The following GPD2 variants were observed in gnomAD, a reference collection of about 807,000 sequenced individuals.
GPD2 encodes glycerol-3-phosphate dehydrogenase 2, also known as glycerol-3-phosphate dehydrogenase, mitochondrial.
In GPD2, 54 loss-of-function variants were observed where a neutral mutation model predicts 82.4. That is an observed-to-expected ratio of 0.66 (90% confidence interval 0.53 to 0.82). The LOEUF (loss-of-function observed/expected upper bound fraction) is 0.82, where lower values mean the gene tolerates loss of function less well. GPD2 is among the 40% of genes least tolerant of loss of function. GPD2 has a pLI of 0.00. For synonymous variants in GPD2, 288 were observed against 306.1 expected (o/e 0.94, Z 0.62); for missense variants, 748 against 896.2 (o/e 0.83, Z 2.11).
In GPD2 at chr2:156,571,275, G is replaced by C; in HGVS notation, c.1750G>C (p.Asp584His). The C allele has an allele frequency of 6.2e-7, 1 of 1,606,138 alleles. No homozygotes were observed. Among genetic ancestry groups the C allele is most frequent in the Non-Finnish European group, 8.5e-7 (1 of 1,175,376 alleles). ...VELMGRELNWDDYKKQEQLET... is the reference protein window; with the variant it reads ...VELMGRELNWHDYKKQEQLET... ...ACTGATGGGCAGGGAACTGAATTGGGATGATTATAAGAAGCAGGTATTATA... is the reference window on the plus strand; with the variant it reads ...ACTGATGGGCAGGGAACTGAATTGGCATGATTATAAGAAGCAGGTATTATA... Residue 584 changes from aspartate to histidine, a missense_variant, in exon 13 of 17, where the codon GAT (aspartate) becomes CAT (histidine). Coordinates refer to ENST00000438166, the MANE Select transcript of GPD2 (RefSeq NM_000408.5).
chr2:156,443,273 T>C (rs1486423404), intron 1 of GPD2, among the ~76,000 whole-genome samples: 3 of 152,248 alleles, frequency 2.0e-5, no homozygotes, highest in African/African-American at 7.2e-5. Context: ...TTGTCTCCTG[T>C]AATTATTTGC....
At chr2:156,529,999 G>T (rs1168368820) in intron 6 of GPD2, among the ~76,000 whole-genome samples, 7 of 151,010 alleles carry the variant, frequency 4.6e-5, no homozygotes, top group African/African-American at 9.7e-5. Context: ...GCTTGATGGG[G>T]ATGGCATTGA....
chr2:156,564,861 A>G (rs1357403898), intron 9 of GPD2, among the ~76,000 whole-genome samples: 1 of 152,148 alleles, frequency 6.6e-6, no homozygotes, highest in African/African-American at 2.4e-5. Context: ...TGTCAAGCAA[A>G]GTAAATTAAA....
intron 1 of GPD2, among the ~76,000 whole-genome samples, chr2:156,448,413 A>G (rs1682444495): frequency 6.6e-6 from 1 of 152,194 alleles, no homozygotes; most frequent in Non-Finnish European, 1.5e-5. Flanking sequence ...CGCCTGGCCT[A>G]TGTCAGCAAT....
At position 156,448,119 on chromosome 2, in the gene GPD2, C is replaced by T. The variant is rs375116507; in HGVS notation, c.-9+11606C>T. 7.5e-4 allele frequency among the ~76,000 whole-genome samples: 110 copies of T among 146,014 alleles called. 1 individual carries two copies. The Middle Eastern group carries it at 0.014, about 19-fold the overall frequency. On this transcript the variant is annotated intron_variant, in intron 1 of 16. Coordinates refer to ENST00000438166, the MANE Select transcript of GPD2 (RefSeq NM_000408.5). ...ACCTAATATGTGTCAGCAATTTTCC[C>T]TTTTTTTTTTTTTGACTCTTGCTCT...
chr2:156,554,227 G>A (rs995860416), intron 8 of GPD2, among the ~76,000 whole-genome samples: 3 of 152,192 alleles, frequency 2.0e-5, no homozygotes, highest in African/African-American at 7.2e-5. Context: ...TGACTCTGTG[G>A]TATCATCAGT....
At chr2:156,579,538 G>A in intron 15 of GPD2, 152 bp from the exon 16 acceptor site, 1 of 601,078 alleles carries the variant, frequency 1.7e-6, no homozygotes, top group Non-Finnish European at 3.0e-6. Flanking sequence ...CTCCATGTTG[G>A]CCAGGCTGGT....
At chr2:156,454,493 G>GA (rs66530643) in intron 1 of GPD2, among the ~76,000 whole-genome samples, 49,186 of 148,476 alleles carry the variant, frequency 0.33, 9,021 homozygotes, top group East Asian at 0.59. Context: ...CTATCTCTAT[G>GA]AAAAAAAAAA....
the GPD2 span, among the ~76,000 whole-genome samples, chr2:156,429,595 A>G: frequency 6.6e-6 from 1 of 152,206 alleles, no homozygotes; most frequent in Admixed American, 6.5e-5. Flanking sequence ...GATGCTTTAG[A>G]CATTTATTTT....
intron 1 of GPD2, among the ~76,000 whole-genome samples, chr2:156,471,877 A>G (rs1485647456): frequency 6.6e-6 from 1 of 152,238 alleles, no homozygotes; most frequent in Non-Finnish European, 1.5e-5. Flanking sequence ...TGATAAACTC[A>G]CAGATATATT....
At chr2:156,401,247 C>T in the GPD2 span, among the ~76,000 whole-genome samples, 1 of 152,188 alleles carries the variant, frequency 6.6e-6, no homozygotes, top group African/African-American at 2.4e-5. Context: ...CTATTGCTTA[C>T]TAGAAGACAC....
chr2:156,472,530 C>A (rs566803063), intron 1 of GPD2, among the ~76,000 whole-genome samples: 1 of 152,234 alleles, frequency 6.6e-6, no homozygotes, highest in South Asian at 2.1e-4. Flanking sequence ...GCATGTTGGC[C>A]AGGCTGGTCT....
At chr2:156,440,926 G>A (rs1682145686) in intron 1 of GPD2, among the ~76,000 whole-genome samples, 1 of 152,198 alleles carries the variant, frequency 6.6e-6, no homozygotes, top group Admixed American at 6.5e-5. Context: ...ACCCTAGATA[G>A]CTTCAGGATG....
intron 6 of GPD2, among the ~76,000 whole-genome samples, chr2:156,532,847 C>CT: frequency 6.6e-6 from 1 of 152,234 alleles, no homozygotes; most frequent in East Asian, 1.9e-4. Context: ...CATGATTTGT[C>CT]TAGTATTGGA....
rs1688188750 is a variant in GPD2 at position 156,585,553 on chromosome 2, A to G, written c.*2635A>G. 1 of 152,536 alleles carries G rather than the reference A, an allele frequency of 6.6e-6. No homozygotes were observed. Among genetic ancestry groups the G allele is most frequent in the Middle Eastern group, 3.4e-3 (1 of 294 alleles). The allele number at this position is 152,536 out of a possible 1,614,324, so 9.4% of individuals were successfully genotyped here. ...GCTGTTTGCAATATTCTTGCTTTCAATCAATTTATACTGAGTGTAACTTTA... is the reference window on the plus strand; with the variant it reads ...GCTGTTTGCAATATTCTTGCTTTCAGTCAATTTATACTGAGTGTAACTTTA... On this transcript the variant is annotated 3_prime_UTR_variant, in exon 17 of 17. Coordinates refer to ENST00000438166, the MANE Select transcript of GPD2 (RefSeq NM_000408.5).
At chr2:156,549,523 C>A in intron 6 of GPD2, 85 bp from the exon 7 acceptor site, 2 of 1,152,854 alleles carry the variant, frequency 1.7e-6, no homozygotes, top group Non-Finnish European at 1.3e-6. Context: ...ACAGATGTGA[C>A]ATATCTGTTG....
At chr2:156,541,621 G>T (rs1686313626) in intron 6 of GPD2, among the ~76,000 whole-genome samples, 1 of 152,072 alleles carries the variant, frequency 6.6e-6, no homozygotes, top group Non-Finnish European at 1.5e-5. Flanking sequence ...TCAAAGCCAG[G>T]CATTTCAAGA....
intron 1 of GPD2, among the ~76,000 whole-genome samples, chr2:156,468,905 C>T (rs536233046): frequency 6.6e-6 from 1 of 152,236 alleles, no homozygotes; most frequent in East Asian, 1.9e-4. Context: ...CCTGTTCTAT[C>T]AACTTCCAGA....
chr2:156,544,887 C>T (rs1277318278), intron 6 of GPD2, among the ~76,000 whole-genome samples: 1 of 152,160 alleles, frequency 6.6e-6, no homozygotes, highest in Non-Finnish European at 1.5e-5. Flanking sequence ...ATACATTCTC[C>T]CTAAACTGCC....
Sources: gnomAD v4.1 joint callset for allele counts (sites outside exome capture counted in the v4.1 genomes callset) on GRCh38, gnomAD v4.1.1 for gene constraint, MANE v1.5 for transcripts, NCBI Gene and HGNC (gene_info 2026-07-23, HGNC 2026-07-21) for gene names.